Variants in NDC1 observed in about 807,000 individuals in gnomAD.
The protein encoded by NDC1 is nucleoporin NDC1.
A neutral mutation model predicts 89.8 loss-of-function variants in NDC1; 24 were observed. The observed-to-expected ratio is 0.27, with a 90% CI of 0.19 to 0.38. NDC1 has a LOEUF of 0.38. Ranked by LOEUF, NDC1 falls within the 10% of genes least tolerant of loss-of-function variation. The probability of loss-of-function intolerance (pLI) is 1.00; values close to 1 mark genes in which losing one functional copy is unlikely to be tolerated. For missense variants in NDC1, 728 were observed against 797.6 expected, an observed-to-expected ratio of 0.91 and a Z score of 1.05; for synonymous variants, 296 against 284.8, an observed-to-expected ratio of 1.04 and a Z score of -0.39.
intron 11 of NDC1, among the ~76,000 whole-genome samples, chr1:53,797,524 A>G (rs1054554290): frequency 6.6e-6 from 1 of 152,270 alleles, no homozygotes; most frequent in Non-Finnish European, 1.5e-5. Flanking sequence ...TACTATTTTA[A>G]GTATTACTTG....
chr1:53,773,653 G>A (rs189516685), intron 16 of NDC1, among the ~76,000 whole-genome samples: 92 of 152,262 alleles, frequency 6.0e-4, no homozygotes, highest in Admixed American at 1.2e-3. Flanking sequence ...CTTTTGGGGC[G>A]TGAACCTTCA....
chr1:53,825,312 C>A (rs980743733), intron 5 of NDC1, among the ~76,000 whole-genome samples: 1 of 151,886 alleles, frequency 6.6e-6, no homozygotes, highest in Non-Finnish European at 1.5e-5. Flanking sequence ...CCCGTCACTA[C>A]TAAAAACACA....
chr1:53,799,812 T>C (rs537675183), intron 11 of NDC1, among the ~76,000 whole-genome samples: 7 of 152,312 alleles, frequency 4.6e-5, no homozygotes, highest in Non-Finnish European at 8.8e-5. Flanking sequence ...TAAGTCCTTT[T>C]ATCAGTCTTA....
At chr1:53,782,635 T>C (rs548272600) in intron 16 of NDC1, among the ~76,000 whole-genome samples, 2 of 152,298 alleles carry the variant, frequency 1.3e-5, no homozygotes, top group South Asian at 2.1e-4. Flanking sequence ...ATTGGGTCCA[T>C]AGGCCTAAGG....
intron 16 of NDC1, among the ~76,000 whole-genome samples, chr1:53,779,099 G>A (rs991589413): frequency 5.4e-5 from 6 of 111,146 alleles, no homozygotes; most frequent in Admixed American, 3.4e-4. Flanking sequence ...CAGTCTGGGT[G>A]ATAAAGCAAG....
chr1:53,814,745 C>A (rs142242662), intron 6 of NDC1, among the ~76,000 whole-genome samples: 74 of 152,196 alleles, frequency 4.9e-4, no homozygotes, highest in East Asian at 4.4e-3. Flanking sequence ...ATCCAAATAA[C>A]CTCACTAAGA....
Position 53,771,337 on chromosome 1 carries a change from C to T in NDC1, c.1961+992G>A, listed in dbSNP as rs538753578. ...CTTGATTTCAGGTTCATGTTTAATA[C>T]GCACTAGATTGTGCTATCAGGCAAA... On this transcript the variant is annotated intron_variant, in intron 17 of 17. Transcript: ENST00000371429. Among the ~76,000 whole-genome samples the T allele has an allele frequency of 3.6e-4, 55 of 152,242 alleles. No individual in the cohort carries two copies. The South Asian group carries it at 4.4e-3, about 12-fold the overall frequency.
At chr1:53,812,950 C>T (rs994894284) in intron 6 of NDC1, among the ~76,000 whole-genome samples, 4 of 152,224 alleles carry the variant, frequency 2.6e-5, no homozygotes, top group African/African-American at 9.6e-5. Flanking sequence ...GGGGCTCTAT[C>T]TTCAGCCTCC....
chr1:53,801,932 T>G (rs1488095814), intron 10 of NDC1, among the ~76,000 whole-genome samples: 1 of 152,170 alleles, frequency 6.6e-6, no homozygotes, highest in Non-Finnish European at 1.5e-5. Flanking sequence ...AATTTTTGTA[T>G]TTTTAGTAGA....
chr1:53,808,334 T>G (rs189498821), intron 7 of NDC1, among the ~76,000 whole-genome samples: 1 of 152,368 alleles, frequency 6.6e-6, no homozygotes, highest in East Asian at 1.9e-4. Context: ...AAAGTTATTA[T>G]AATCCTACAA....
At chr1:53,800,617 G>A (rs750268811) in intron 11 of NDC1, 76 bp downstream of exon 11, 95 of 1,525,210 alleles carry the variant, frequency 6.2e-5, no homozygotes, top group Non-Finnish European at 7.6e-5. Context: ...GAGCCACAGC[G>A]CCCAGTCTAC....
Position 53,792,164 on chromosome 1 carries a change from G to A in NDC1, c.1635+1065C>T, listed in dbSNP as rs573688696. Among the ~76,000 whole-genome samples, 17 of 152,176 alleles carry A rather than the reference G, an allele frequency of 1.1e-4. No homozygotes were observed. The South Asian group carries it at 1.5e-3, about 13-fold the overall frequency. ...TCACCGTGTTAGCCAGGATGGTCTT[G>A]ATCTCCTGACCTCGTGATCCGCCCG... On this transcript the variant is annotated intron_variant, in intron 14 of 17. Transcript: ENST00000371429.
intron 14 of NDC1, among the ~76,000 whole-genome samples, chr1:53,789,855 G>C (rs1368225950): frequency 2.6e-5 from 4 of 151,448 alleles, no homozygotes; most frequent in Non-Finnish European, 4.4e-5. Context: ...CGTAATCCTA[G>C]CACTTTGGGA....
intron 17 of NDC1, among the ~76,000 whole-genome samples, chr1:53,769,302 T>G (rs920508325): frequency 3.3e-5 from 5 of 152,186 alleles, no homozygotes; most frequent in African/African-American, 1.2e-4. Context: ...AAGTTGCACA[T>G]ATGTAGGATG....
intron 1 of NDC1, among the ~76,000 whole-genome samples, chr1:53,836,762 G>A (rs1370328889): frequency 3.3e-5 from 5 of 151,160 alleles, no homozygotes; most frequent in East Asian, 1.9e-4. Context: ...GAGCCACAGC[G>A]CCCAGCCTCC....
chr1:53,820,787 T>C (rs1181341072), intron 5 of NDC1, among the ~76,000 whole-genome samples: 4 of 143,442 alleles, frequency 2.8e-5, no homozygotes, highest in African/African-American at 7.8e-5. Flanking sequence ...CTCAGCTCAC[T>C]GCTACCTCTA....
chr1:53,772,068 AAT>A (rs774270295), intron 17 of NDC1, among the ~76,000 whole-genome samples: 2 of 151,698 alleles, frequency 1.3e-5, no homozygotes. Context: ...TGATAATTTA[AAT>A]ATATATATAT....
intron 8 of NDC1, among the ~76,000 whole-genome samples, chr1:53,807,099 T>G (rs930497321): frequency 6.6e-6 from 1 of 151,682 alleles, no homozygotes; most frequent in Non-Finnish European, 1.5e-5. Context: ...CAAAAAAAAT[T>G]AGCCGGGCAT....
intron 1 of NDC1, among the ~76,000 whole-genome samples, chr1:53,837,111 A>C (rs1649258934): frequency 6.6e-6 from 1 of 152,214 alleles, no homozygotes; most frequent in Non-Finnish European, 1.5e-5. Flanking sequence ...TTATTCAGCC[A>C]CAAAAAGGAA....
Sources: allele counts gnomAD v4.1 joint callset (sites outside exome capture counted in the v4.1 genomes callset), GRCh38; gene constraint gnomAD v4.1.1; transcripts MANE v1.5; gene names NCBI Gene and HGNC (gene_info 2026-07-23, HGNC 2026-07-21).